The following KLF8 variants were observed in gnomAD, a reference collection of about 807,000 sequenced individuals.
KLF8 encodes KLF transcription factor 8, also known as Krueppel-like factor 8.
Under a neutral mutation model 18.2 loss-of-function variants are expected in KLF8, and 10 were observed. That is an observed-to-expected ratio of 0.55 (90% CI 0.34 to 0.93). The LOEUF (loss-of-function observed/expected upper bound fraction) is 0.93, where lower values mean the gene tolerates loss of function less well. Among genes scored for constraint, KLF8 ranks in the 40% least tolerant of loss-of-function variants. The probability of loss-of-function intolerance (pLI) is 0.02; values close to 1 mark genes in which losing one functional copy is unlikely to be tolerated. For synonymous variants in KLF8, 109 were observed against 97.3 expected (o/e 1.12, Z -0.71); for missense variants, 264 against 277.9 (o/e 0.95, Z 0.36).
the KLF8 span, among the ~76,000 whole-genome samples, chrX:55,926,596 C>T: frequency 0.15 from 16,956 of 110,361 alleles, 1,356 homozygotes; most frequent in Non-Finnish European, 0.24. Flanking sequence ...CATATGGGGG[C>T]TAACACTTGG....
chrX:56,073,884 T>C, the KLF8 span, among the ~76,000 whole-genome samples: 2 of 111,146 alleles, frequency 1.8e-5, no homozygotes, highest in African/African-American at 6.5e-5. Flanking sequence ...TTGCTGGGAC[T>C]ATAGGCGTGC....
At chrX:56,255,909 T>C (rs2066786312) in intron 2 of KLF8, among the ~76,000 whole-genome samples, 2 of 111,638 alleles carry the variant, frequency 1.8e-5, no homozygotes, top group Non-Finnish European at 3.8e-5. Flanking sequence ...GTAGAATGAG[T>C]TTGGAAATAG....
chrX:55,987,355 C>G, the KLF8 span, among the ~76,000 whole-genome samples: 1 of 110,388 alleles, frequency 9.1e-6, no homozygotes, highest in African/African-American at 3.3e-5. Context: ...CCCCCCTCCC[C>G]CAACCCCACA....
the KLF8 span, among the ~76,000 whole-genome samples, chrX:55,959,166 C>T: frequency 8.9e-6 from 1 of 112,202 alleles, no homozygotes; most frequent in Non-Finnish European, 1.9e-5. Context: ...TAAGCCTTGG[C>T]TCCATGAAAG....
chrX:56,077,617 C>T, the KLF8 span, among the ~76,000 whole-genome samples: 210 of 111,651 alleles, frequency 1.9e-3, no homozygotes, highest in South Asian at 9.4e-3. Flanking sequence ...ATTGACTTGC[C>T]GATGCAGGCT....
the KLF8 span, among the ~76,000 whole-genome samples, chrX:55,946,054 T>A: frequency 9.0e-6 from 1 of 111,567 alleles, no homozygotes; most frequent in African/African-American, 3.3e-5. Flanking sequence ...AAAATGGCCA[T>A]ACTGCCCAAG....
the KLF8 span, among the ~76,000 whole-genome samples, chrX:56,218,538 A>C: frequency 8.9e-6 from 1 of 112,023 alleles, no homozygotes; most frequent in Non-Finnish European, 1.9e-5. Context: ...CATCTGAGCA[A>C]TATATTATGA....
chrX:56,204,615 G>A, the KLF8 span, among the ~76,000 whole-genome samples: 2 of 110,547 alleles, frequency 1.8e-5, no homozygotes, highest in Non-Finnish European at 3.8e-5. Context: ...AGTTTCTTTA[G>A]GGTTTTTTTT....
At chrX:56,132,308 A>G in the KLF8 span, among the ~76,000 whole-genome samples, 1 of 111,888 alleles carries the variant, frequency 8.9e-6, no homozygotes, top group African/African-American at 3.2e-5. Context: ...ACAGTGGAAT[A>G]AAATTGGAAA....
the KLF8 span, among the ~76,000 whole-genome samples, chrX:56,069,911 A>T: frequency 1.8e-5 from 2 of 112,689 alleles, no homozygotes; most frequent in East Asian, 5.6e-4. Context: ...GTATATACCC[A>T]AAGGATTATC....
chrX:56,189,530 A>G, the KLF8 span, among the ~76,000 whole-genome samples: 1 of 111,303 alleles, frequency 9.0e-6, no homozygotes, highest in Non-Finnish European at 1.9e-5. Flanking sequence ...GTATATACCC[A>G]AAGGACTATA....
chrX:55,909,479 C>T, the KLF8 span, among the ~76,000 whole-genome samples: 1 of 112,663 alleles, frequency 8.9e-6, no homozygotes, highest in African/African-American at 3.2e-5. Flanking sequence ...AGGTGCATTG[C>T]CTGTGGCTGA....
At chrX:55,978,053 T>TTC in the KLF8 span, among the ~76,000 whole-genome samples, 1 of 109,331 alleles carries the variant, frequency 9.1e-6, no homozygotes, top group Admixed American at 9.8e-5. Context: ...CTCTCTTACA[T>TTC]TCTCTCTCTC....
chrX:56,103,785 G>A, the KLF8 span, among the ~76,000 whole-genome samples: 8,596 of 111,138 alleles, frequency 0.077, 813 homozygotes, highest in African/African-American at 0.27. Flanking sequence ...TGCCTTTCTT[G>A]TGCCAGTTTT....
the KLF8 span, among the ~76,000 whole-genome samples, chrX:56,052,253 CCTT>C: frequency 8.9e-6 from 1 of 111,890 alleles, no homozygotes; most frequent in Admixed American, 9.5e-5. Context: ...TCGTCTGAAG[CCTT>C]CTTCTCTCAG....
the KLF8 span, among the ~76,000 whole-genome samples, chrX:56,059,748 T>A: frequency 3.6e-5 from 4 of 111,909 alleles, no homozygotes; most frequent in South Asian, 1.5e-3. Context: ...GCTGTTTTGT[T>A]TACTGTAGCC....
At chrX:56,102,333 A>G in the KLF8 span, among the ~76,000 whole-genome samples, 332 of 111,607 alleles carry the variant, frequency 3.0e-3, no homozygotes, top group African/African-American at 0.01. Context: ...TAGCAGTACC[A>G]TGCTATTTTG....
At chrX:56,072,730 A>G in the KLF8 span, among the ~76,000 whole-genome samples, 23,232 of 111,153 alleles carry the variant, frequency 0.21, 4,916 homozygotes, top group African/African-American at 0.66. Flanking sequence ...TGGCATTTTA[A>G]CCATTTTAAA....
At chrX:56,186,225 C>T in the KLF8 span, among the ~76,000 whole-genome samples, 1 of 111,095 alleles carries the variant, frequency 9.0e-6, no homozygotes, top group African/African-American at 3.3e-5. Flanking sequence ...GGGTTGCAAT[C>T]CTAGTCTCTG....
Sources: gnomAD v4.1 joint callset for allele counts (sites outside exome capture counted in the v4.1 genomes callset) on GRCh38, gnomAD v4.1.1 for gene constraint, MANE v1.5 for transcripts, NCBI Gene and HGNC (gene_info 2026-07-23, HGNC 2026-07-21) for gene names.